Variants in CD109 observed in about 807,000 individuals in gnomAD.
CD109 encodes the protein CD109 antigen.
In CD109, 149 loss-of-function variants were observed where a neutral mutation model predicts 165.8. The ratio of observed to expected loss-of-function variants is 0.90; its 90% confidence interval spans 0.79 to 1.03. The LOEUF (loss-of-function observed/expected upper bound fraction) is 1.03. CD109 is among the 50% of genes least tolerant of loss of function. The probability of loss-of-function intolerance (pLI) is 0.00; values close to 1 mark genes in which losing one functional copy is unlikely to be tolerated. For synonymous variants in CD109, 585 were observed against 592.1 expected (o/e 0.99, Z 0.18); for missense variants, 1,712 against 1,677.8 (o/e 1.02, Z -0.36).
intron 7 of CD109, among the ~76,000 whole-genome samples, chr6:73,760,456 G>GTATTGCC (rs1773578687): frequency 7.6e-6 from 1 of 131,702 alleles, no homozygotes; most frequent in Non-Finnish European, 1.6e-5. Flanking sequence ...GCAGTAAAAT[G>GTATTGCC]TATTGCCTCT....
intron 2 of CD109, among the ~76,000 whole-genome samples, chr6:73,717,510 G>C (rs902944430): frequency 2.7e-5 from 4 of 150,620 alleles, no homozygotes; most frequent in Non-Finnish European, 5.9e-5. Context: ...TCAAGTTAAT[G>C]CCTGGGTATT....
chr6:73,780,442 C>T lies in CD109; in HGVS notation c.1846C>T (p.Leu616Phe). The T allele has an allele frequency of 6.2e-7, 1 of 1,606,422 alleles. No individual in the cohort carries two copies. The change falls in exon 16 of 33, where the codon CTT becomes TTT. Residue 616 changes from leucine (L) to phenylalanine (F), a missense_variant. By Grantham distance (22) the Leu-to-Phe change is conservative. Coordinates refer to ENST00000287097, the MANE Select transcript of CD109 (RefSeq NM_133493.5). The part of the protein sequence containing the change: ...TMENVVHELE[L>F]YNTGYYLGMF... ...TCCTTAGGTGGTCCATGAGTTGGAA[C>T]TTTATAACACAGGATATTATTTAGG...
At chr6:73,689,048 G>A in the CD109 span, among the ~76,000 whole-genome samples, 1 of 152,116 alleles carries the variant, frequency 6.6e-6, no homozygotes, top group Non-Finnish European at 1.5e-5. Context: ...GGGATTACAG[G>A]CATGAGCCAC....
At chr6:73,811,355 C>G (rs76780750) in intron 28 of CD109, among the ~76,000 whole-genome samples, 4 of 152,092 alleles carry the variant, frequency 2.6e-5, no homozygotes, top group Non-Finnish European at 4.4e-5. Context: ...CAGGAGAAAA[C>G]ACGGGCACTG....
chr6:73,688,379 C>T, the CD109 span, among the ~76,000 whole-genome samples: 3 of 152,128 alleles, frequency 2.0e-5, no homozygotes, highest in Non-Finnish European at 4.4e-5. Context: ...GTTCTTGAAA[C>T]AGAGTTCTTA....
chr6:73,737,934 G>GTCCATCCATCCATCCATCCA (rs368013201), intron 5 of CD109, among the ~76,000 whole-genome samples: 2 of 151,920 alleles, frequency 1.3e-5, no homozygotes, highest in African/African-American at 4.8e-5. Context: ...ACTTTTTTTG[G>GTCCATCCATCCATCCATCCA]TCCATCCATC....
intron 14 of CD109, among the ~76,000 whole-genome samples, chr6:73,769,623 AG>A (rs1282129149): frequency 6.6e-6 from 1 of 152,258 alleles, no homozygotes; most frequent in East Asian, 1.9e-4. Context: ...TGTCTAAGCA[AG>A]AGAAAGTTAG....
intron 21 of CD109, 113 bp from the exon 22 acceptor site, chr6:73,788,355 C>A: frequency 1.3e-6 from 1 of 746,852 alleles, no homozygotes; most frequent in Non-Finnish European, 2.0e-6. Flanking sequence ...GCCTATTTAG[C>A]CACACACAAA....
chr6:73,740,498 G>A (rs570256648), intron 5 of CD109, among the ~76,000 whole-genome samples: 33 of 151,946 alleles, frequency 2.2e-4, no homozygotes, highest in Admixed American at 2.0e-3. Context: ...TAAATTGTTT[G>A]CCCTTCAAGT....
At position 73,738,775 on chromosome 6, in the gene CD109, C is replaced by A. The variant is rs772875160; in HGVS notation, c.633+2267C>A. On this transcript the variant is annotated intron_variant, in intron 5 of 32. Transcript: ENST00000287097. ...ACTCTATGCTTTAGACATCTTATGT[C>A]CCTTAAGTTTCTTAAACTCACCGAT... Among the ~76,000 whole-genome samples the A allele has an allele frequency of 2.0e-5, 3 of 152,284 alleles. No homozygotes were observed. In the South Asian group the frequency reaches 6.2e-4, roughly 32 times the overall value.
In CD109 at chr6:73,788,496, A is replaced by G; in HGVS notation, c.2585A>G (p.Gln862Arg). Residue 862 changes from glutamine to arginine, a missense_variant, in exon 22 of 33, where the codon CAA (glutamine) becomes CGA (arginine). Physicochemically the swap from Gln to Arg is conservative, Grantham distance 43 (BLOSUM62 1). Transcript: ENST00000287097. ...KAEGIEKSYS[Q>R]SILLDLTDNR... is the part of the protein sequence containing the mutation. ...GAAGGAATAGAAAAATCATATTCAC[A>G]ATCCATCTTATTAGACTTGACTGAC... The G allele has an allele frequency of 6.2e-7, 1 of 1,609,522 alleles. No homozygotes were observed. The highest frequency in any genetic ancestry group is 8.5e-7 in the Non-Finnish European group (1 of 1,179,118).
chr6:73,697,095 G>C (rs1035161271), intron 1 of CD109, among the ~76,000 whole-genome samples: 1 of 152,150 alleles, frequency 6.6e-6, no homozygotes, highest in Admixed American at 6.5e-5. Context: ...ATTATGCCCC[G>C]GTGCAAGCCA....
chr6:73,779,761 ATATTCTAATTC>A (rs1774406903), intron 15 of CD109, among the ~76,000 whole-genome samples: 1 of 151,902 alleles, frequency 6.6e-6, no homozygotes, highest in Non-Finnish European at 1.5e-5. Context: ...TTACTGGGTC[ATATTCTAATTC>A]TATGTTAATT....
At chr6:73,721,438 C>T (rs1053584003) in intron 2 of CD109, among the ~76,000 whole-genome samples, 4 of 150,728 alleles carry the variant, frequency 2.7e-5, no homozygotes, top group African/African-American at 4.9e-5. Flanking sequence ...GATCTTGGCT[C>T]GCTGCAAGCT....
In CD109 at chr6:73,825,979, A is replaced by G. The variant is rs1776262758; in HGVS notation, c.*2346A>G. ...GGGGACAGAGTGAGATTCTGTCTCA[A>G]AAAACAAAAAACAAAAAAGTCACCT... On this transcript the variant is annotated 3_prime_UTR_variant, in exon 33 of 33. Coordinates refer to ENST00000287097, the MANE Select transcript of CD109 (RefSeq NM_133493.5). 1 of 152,200 alleles carries G rather than the reference A, an allele frequency of 6.6e-6. No homozygotes were observed. The highest frequency in any genetic ancestry group is 6.5e-5 in the Admixed American group (1 of 15,272). The allele number at this position is 152,200 out of a possible 1,614,324, so 9.4% of individuals were successfully genotyped here.
At chr6:73,760,378 G>T (rs1261961629) in intron 7 of CD109, among the ~76,000 whole-genome samples, 6 of 131,140 alleles carry the variant, frequency 4.6e-5, no homozygotes, top group Non-Finnish European at 7.7e-5. Flanking sequence ...CTGCAGTCCG[G>T]CCTGGGCTAA....
chr6:73,766,819 A>G lies in CD109; in HGVS notation c.1393A>G (p.Lys465Glu), dbSNP rs201894554. The G allele has an allele frequency of 1.1e-5, 17 of 1,613,002 alleles. No homozygotes were observed. The highest frequency in any genetic ancestry group is 1.3e-5 in the Non-Finnish European group (15 of 1,179,342). ...TCATAGTCTGTTTAAGTCTCCTAGTAAGACATACATCCAACTAAAAACAAG... is the reference window on the plus strand; with the variant it reads ...TCATAGTCTGTTTAAGTCTCCTAGTGAGACATACATCCAACTAAAAACAAG... Reference protein sequence around the residue: ...AVHSLFKSPSKTYIQLKTRDE... With the variant: ...AVHSLFKSPSETYIQLKTRDE... Residue 465 changes from lysine to glutamate, a missense_variant, in exon 12 of 33, where the codon AAG (lysine) becomes GAG (glutamate). Coordinates refer to ENST00000287097, the MANE Select transcript of CD109 (RefSeq NM_133493.5).
At chr6:73,723,690 A>G (rs1191339642) in intron 3 of CD109, among the ~76,000 whole-genome samples, 2 of 152,190 alleles carry the variant, frequency 1.3e-5, no homozygotes, top group African/African-American at 4.8e-5. Context: ...GAGCTGAATG[A>G]TGAGAACACA....
intron 23 of CD109, among the ~76,000 whole-genome samples, chr6:73,796,621 G>T (rs1035152471): frequency 6.6e-6 from 1 of 152,124 alleles, no homozygotes; most frequent in African/African-American, 2.4e-5. Context: ...AGCTATGTGG[G>T]CATCTCAATA....
Sources: gnomAD v4.1 joint callset for allele counts (sites outside exome capture counted in the v4.1 genomes callset) on GRCh38, gnomAD v4.1.1 for gene constraint, MANE v1.5 for transcripts, NCBI Gene and HGNC (gene_info 2026-07-23, HGNC 2026-07-21) for gene names.